Variants in SH3RF1 observed in about 807,000 individuals in gnomAD.
SH3RF1 encodes SH3 domain containing ring finger 1, also known as E3 ubiquitin-protein ligase SH3RF1.
Under a neutral mutation model 74.0 loss-of-function variants are expected in SH3RF1, and 32 were observed. The observed-to-expected ratio is 0.43, with a 90% CI of 0.33 to 0.58. SH3RF1 has a LOEUF of 0.58. SH3RF1 is among the 20% of genes least tolerant of loss of function. The pLI, the probability that SH3RF1 is intolerant of heterozygous loss-of-function variation, is 0.05. For missense variants in SH3RF1, 954 were observed against 1,130.9 expected, an observed-to-expected ratio of 0.84 and a Z score of 2.24; for synonymous variants, 396 against 439.6, an observed-to-expected ratio of 0.90 and a Z score of 1.24.
rs1488708174 is a variant in SH3RF1, at chr4:169,121,007, AT to A, written c.1347-19del. On this transcript the variant is annotated intron_variant, in intron 7 of 11. Transcript: ENST00000284637. ...CAACATACCTAGAATAGAAAATAAT[AT>A]TTGATTTCAGGTTGAGTAACAGACA... The A allele has an allele frequency of 6.2e-7, 1 of 1,601,884 alleles. No individual in the cohort carries two copies. The highest frequency in any genetic ancestry group is 1.3e-5 in the African/African-American group (1 of 74,672).
chr4:169,118,030 T>C (rs1733366489), intron 8 of SH3RF1, among the ~76,000 whole-genome samples: 1 of 152,216 alleles, frequency 6.6e-6, no homozygotes, highest in African/African-American at 2.4e-5. Context: ...TATACAGTTA[T>C]TGCATTCAGC....
chr4:169,255,493 C>G (rs2110751365), intron 2 of SH3RF1, among the ~76,000 whole-genome samples: 1 of 151,898 alleles, frequency 6.6e-6, no homozygotes, highest in East Asian at 1.9e-4. Flanking sequence ...GCCACATAAT[C>G]TTAATGGTAT....
chr4:169,122,007 T>G, intron 7 of SH3RF1, 93 bp downstream of exon 7: 15 of 1,519,844 alleles, frequency 9.9e-6, no homozygotes, highest in Non-Finnish European at 1.3e-5. Context: ...AACGCTGTCA[T>G]CAGCTCATGT....
intron 6 of SH3RF1, among the ~76,000 whole-genome samples, chr4:169,127,571 G>C (rs1356276131): frequency 2.0e-5 from 3 of 152,346 alleles, no homozygotes; most frequent in African/African-American, 7.2e-5. Context: ...TGGGATGACA[G>C]ACAGGTTTGT....
chr4:169,262,860 A>C (rs768319323), intron 2 of SH3RF1, among the ~76,000 whole-genome samples: 2 of 152,098 alleles, frequency 1.3e-5, no homozygotes, highest in Non-Finnish European at 2.9e-5. Context: ...CTCATCTCCG[A>C]GTCTCACCAT....
chr4:169,127,783 CCATTTACTA>C (rs1733551657), intron 6 of SH3RF1, among the ~76,000 whole-genome samples: 1 of 152,160 alleles, frequency 6.6e-6, no homozygotes. Context: ...GAGTAACTGG[CCATTTACTA>C]CATTGTATAA....
At chr4:169,144,446 T>C (rs1162072576) in intron 4 of SH3RF1, among the ~76,000 whole-genome samples, 1 of 152,178 alleles carries the variant, frequency 6.6e-6, no homozygotes, top group African/African-American at 2.4e-5. Context: ...GAATCAAACC[T>C]AATGGAGCCT....
At chr4:169,219,144 G>A (rs570781359) in intron 2 of SH3RF1, among the ~76,000 whole-genome samples, 15 of 152,206 alleles carry the variant, frequency 9.9e-5, no homozygotes, top group African/African-American at 2.9e-4. Context: ...GCTGATAGAC[G>A]CAAGCATAAG....
At chr4:169,180,023 G>A (rs574318678) in intron 2 of SH3RF1, among the ~76,000 whole-genome samples, 1 of 152,240 alleles carries the variant, frequency 6.6e-6, no homozygotes, top group Non-Finnish European at 1.5e-5. Flanking sequence ...AAAGAAACCT[G>A]CATAAACTTT....
chr4:169,098,147 T>C (rs1732961302), intron 11 of SH3RF1, among the ~76,000 whole-genome samples: 1 of 152,264 alleles, frequency 6.6e-6, no homozygotes, highest in African/African-American at 2.4e-5. Context: ...ATGCTTATTA[T>C]TGTTTTAAGC....
At chr4:169,112,700 C>T (rs1029270916) in intron 10 of SH3RF1, among the ~76,000 whole-genome samples, 11 of 152,092 alleles carry the variant, frequency 7.2e-5, no homozygotes, top group African/African-American at 2.4e-4. Flanking sequence ...TAACAAAGAA[C>T]ATAACGTGGC....
chr4:169,175,177 C>A (rs952431785), intron 2 of SH3RF1, among the ~76,000 whole-genome samples: 2 of 152,182 alleles, frequency 1.3e-5, no homozygotes, highest in Non-Finnish European at 2.9e-5. Context: ...TTCAGAACAA[C>A]CCCCAGTCAG....
chr4:169,256,500 T>C (rs1271577665), intron 2 of SH3RF1, among the ~76,000 whole-genome samples: 1 of 152,244 alleles, frequency 6.6e-6, no homozygotes, highest in East Asian at 1.9e-4. Flanking sequence ...AGCCAGCTGT[T>C]TAAAACAGAA....
chr4:169,105,132 T>C (rs1260862267), intron 11 of SH3RF1, among the ~76,000 whole-genome samples: 2 of 152,124 alleles, frequency 1.3e-5, no homozygotes, highest in African/African-American at 2.4e-5. Context: ...TAGTAAGATT[T>C]CAAGTCGGCA....
At chr4:169,118,457 T>TTAG (rs913205328) in intron 8 of SH3RF1, among the ~76,000 whole-genome samples, 1 of 152,116 alleles carries the variant, frequency 6.6e-6, no homozygotes, top group African/African-American at 2.4e-5. Context: ...TATATTATTA[T>TTAG]TAGTAGTAGT....
chr4:169,216,957 C>T (rs1730473150), intron 2 of SH3RF1, among the ~76,000 whole-genome samples: 2 of 148,484 alleles, frequency 1.3e-5, no homozygotes, highest in Non-Finnish European at 3.0e-5. Flanking sequence ...TTGAGACCAG[C>T]CTGAGCAACA....
chr4:169,263,251 G>C (rs1035000339), intron 2 of SH3RF1, among the ~76,000 whole-genome samples: 1 of 151,968 alleles, frequency 6.6e-6, no homozygotes, highest in Non-Finnish European at 1.5e-5. Context: ...TTAATCCAAG[G>C]ACCACGAACT....
At chr4:169,155,605 T>C (rs761220238) in intron 3 of SH3RF1, 30 bp from the exon 4 acceptor site, 12 of 1,479,296 alleles carry the variant, frequency 8.1e-6, no homozygotes, top group Non-Finnish European at 1.1e-5. Context: ...TTAATCTACC[T>C]GATCATTAAG....
intron 2 of SH3RF1, among the ~76,000 whole-genome samples, chr4:169,198,089 T>C (rs1734847920): frequency 1.3e-5 from 2 of 152,208 alleles, no homozygotes; most frequent in South Asian, 4.1e-4. Flanking sequence ...TTGCATCTAA[T>C]GAGATTTTCC....
Sources: allele counts gnomAD v4.1 joint callset (sites outside exome capture counted in the v4.1 genomes callset), GRCh38; gene constraint gnomAD v4.1.1; transcripts MANE v1.5; gene names NCBI Gene and HGNC (gene_info 2026-07-23, HGNC 2026-07-21).